The following NPAS3 variants were observed in gnomAD, a reference collection of about 807,000 sequenced individuals.
NPAS3 encodes neuronal PAS domain-containing protein 3.
Under a neutral mutation model 73.1 loss-of-function variants are expected in NPAS3, and 14 were observed. That is an observed-to-expected ratio of 0.19 (90% CI 0.13 to 0.30). The LOEUF (loss-of-function observed/expected upper bound fraction) is 0.30, where lower values mean the gene tolerates loss of function less well. NPAS3 is among the 10% of genes least tolerant of loss of function. The pLI is 1.00. For missense variants in NPAS3, 1,096 were observed against 1,250.0 expected (o/e 0.88, Z 1.86); for synonymous variants, 620 against 541.5 (o/e 1.14, Z -2.01).
intron 2 of NPAS3, among the ~76,000 whole-genome samples, chr14:33,145,343 C>T (rs72676787): frequency 0.016 from 2,473 of 152,244 alleles, 32 homozygotes; most frequent in Non-Finnish European, 0.025. Context: ...GCCGGAATTT[C>T]AAAGGAAAGT....
intron 2 of NPAS3, among the ~76,000 whole-genome samples, chr14:33,175,726 C>T (rs1009609147): frequency 6.6e-6 from 1 of 152,072 alleles, no homozygotes; most frequent in Non-Finnish European, 1.5e-5. Context: ...ATTTTACATA[C>T]AACATCCCAA....
chr14:33,281,639 AT>A (rs879682392), intron 3 of NPAS3, among the ~76,000 whole-genome samples: 10 of 152,018 alleles, frequency 6.6e-5, no homozygotes, highest in Non-Finnish European at 7.4e-5. Flanking sequence ...CTCAAAAAAA[AT>A]TTTTTTTCTG....
At chr14:33,214,504 A>C (rs765020365) in intron 2 of NPAS3, 1 of 152,202 alleles carries the variant, frequency 6.6e-6, no homozygotes, top group East Asian at 1.9e-4. Flanking sequence ...CTAGTATCTT[A>C]GAAAATCAAT....
At chr14:33,390,220 A>G (rs1250353293) in intron 4 of NPAS3, among the ~76,000 whole-genome samples, 15 of 152,204 alleles carry the variant, frequency 9.9e-5, no homozygotes, top group Non-Finnish European at 1.3e-4. Flanking sequence ...ATTGTATTTT[A>G]TAGCAGAAAA....
chr14:33,217,906 C>A (rs2047283673), intron 3 of NPAS3, among the ~76,000 whole-genome samples: 2 of 152,158 alleles, frequency 1.3e-5, no homozygotes, highest in South Asian at 4.1e-4. Flanking sequence ...CACTTCTTGT[C>A]ATTACTACAG....
chr14:33,277,528 G>C (rs2140044027), intron 3 of NPAS3, among the ~76,000 whole-genome samples: 1 of 152,164 alleles, frequency 6.6e-6, no homozygotes, highest in Non-Finnish European at 1.5e-5. Flanking sequence ...AAAATATAAG[G>C]GGCTAGGTAA....
At chr14:33,669,332 A>G (rs2059545796) in intron 5 of NPAS3, among the ~76,000 whole-genome samples, 1 of 152,230 alleles carries the variant, frequency 6.6e-6, no homozygotes, top group Admixed American at 6.5e-5. Flanking sequence ...TGAAAAATTC[A>G]AAACTATGGG....
chr14:33,779,831 C>T lies in NPAS3; in HGVS notation c.1153+1259C>T, dbSNP rs748810735. Among the ~76,000 whole-genome samples the T allele has an allele frequency of 5.9e-5, 9 of 152,158 alleles. No individual in the cohort carries two copies. In the South Asian group the frequency reaches 6.2e-4, roughly 11 times the overall value. On this transcript the variant is annotated intron_variant, in intron 9 of 11. Coordinates refer to ENST00000356141, the Ensembl canonical transcript of NPAS3. ...TGTATCCCCATCATTAAACAACACA[C>T]GGCTGTACATGCAAGGTGCCACAAA...
intron 1 of NPAS3, among the ~76,000 whole-genome samples, chr14:33,029,527 G>A (rs2039920210): frequency 6.6e-6 from 1 of 152,056 alleles, no homozygotes; most frequent in South Asian, 2.1e-4. Context: ...ATATTCTGAA[G>A]GGGCTTAAAA....
At chr14:33,643,375 TA>T (rs755879056) in intron 5 of NPAS3, among the ~76,000 whole-genome samples, 3,382 of 94,638 alleles carry the variant, frequency 0.036, 104 homozygotes, top group African/African-American at 0.12. Context: ...AAATAAAAAT[TA>T]AAAAAAAAAA....
intron 1 of NPAS3, among the ~76,000 whole-genome samples, chr14:32,971,435 A>G (rs898163666): frequency 6.6e-6 from 1 of 152,162 alleles, no homozygotes; most frequent in African/African-American, 2.4e-5. Context: ...TAAAATAAAG[A>G]TAGTTTTTAA....
chr14:33,186,883 A>G (rs1395477278), intron 2 of NPAS3, among the ~76,000 whole-genome samples: 1 of 152,116 alleles, frequency 6.6e-6, no homozygotes, highest in Non-Finnish European at 1.5e-5. Flanking sequence ...GGCTGCTACA[A>G]CTGGGGAATT....
Position 32,978,986 on chromosome 14 carries a change from G to A in NPAS3, c.50+39620G>A, listed in dbSNP as rs137928803. On this transcript the variant is annotated intron_variant, in intron 1 of 11. Transcript: ENST00000356141. ...TTGTATCTCCCATATCTGGGACATC[G>A]TAAGGGCTCAAAAAATAACTGTTGA... 4.1e-4 allele frequency among the ~76,000 whole-genome samples: 62 copies of A among 152,222 alleles called. No homozygotes were observed. In the East Asian group the frequency reaches 0.01, roughly 25 times the overall value.
At chr14:33,014,070 A>G (rs995362182) in intron 1 of NPAS3, among the ~76,000 whole-genome samples, 1 of 152,194 alleles carries the variant, frequency 6.6e-6, no homozygotes, top group African/African-American at 2.4e-5. Flanking sequence ...AGTAGAGTTG[A>G]CCTTACTCCT....
intron 5 of NPAS3, among the ~76,000 whole-genome samples, chr14:33,623,208 T>C (rs146045547): frequency 6.6e-6 from 1 of 152,170 alleles, no homozygotes. Flanking sequence ...AATATTTTGC[T>C]AAAAATACTG....
chr14:33,255,411 T>C (rs369124468), intron 3 of NPAS3, among the ~76,000 whole-genome samples: 9 of 152,300 alleles, frequency 5.9e-5, no homozygotes, highest in African/African-American at 1.7e-4. Flanking sequence ...TCAATAGCTG[T>C]ATTTTAGTAC....
chr14:33,557,788 T>C (rs953862974), intron 4 of NPAS3, among the ~76,000 whole-genome samples: 3 of 152,104 alleles, frequency 2.0e-5, no homozygotes, highest in African/African-American at 7.2e-5. Flanking sequence ...GCTAACACGG[T>C]GAAACCCCGT....
At chr14:33,652,655 T>C (rs11623701) in intron 5 of NPAS3, among the ~76,000 whole-genome samples, 77,782 of 151,584 alleles carry the variant, frequency 0.51, 19,964 homozygotes, top group Non-Finnish European at 0.53. Context: ...TTGGCTCTGA[T>C]TCAGGCGCCA....
intron 1 of NPAS3, among the ~76,000 whole-genome samples, chr14:32,977,389 CTATT>C (rs1183786512): frequency 1.3e-5 from 2 of 151,890 alleles, no homozygotes; most frequent in African/African-American, 2.4e-5. Context: ...CACCCCTAAT[CTATT>C]TATTTAATGG....
Sources: allele counts gnomAD v4.1 joint callset (sites outside exome capture counted in the v4.1 genomes callset), GRCh38; gene constraint gnomAD v4.1.1; transcripts MANE v1.5; gene names NCBI Gene and HGNC (gene_info 2026-07-23, HGNC 2026-07-21).